TENT5D: variants seen among roughly 807,000 people sequenced by gnomAD.
TENT5D encodes cancer/testis antigen 112.
For missense variants in TENT5D, 191 were observed against 287.0 expected (o/e 0.67, Z 2.42); for synonymous variants, 103 against 100.6 (o/e 1.02, Z -0.15).
At chrX:80,375,133 T>G (rs1426312169) in intron 3 of TENT5D, among the ~76,000 whole-genome samples, 1 of 111,580 alleles carries the variant, frequency 9.0e-6, no homozygotes, top group African/African-American at 3.2e-5. Context: ...TAGTTTAAAT[T>G]TTTTTCTTTT....
At chrX:80,419,661 A>C (rs1931846241), upstream of TENT5D, among the ~76,000 whole-genome samples, 1 of 112,618 alleles carries the variant, frequency 8.9e-6, no homozygotes, top group South Asian at 3.6e-4. Context: ...TTCTTTTTAA[A>C]AATTAGTTGT....
intron 3 of TENT5D, among the ~76,000 whole-genome samples, chrX:80,375,316 T>G (rs1330120142): frequency 9.0e-6 from 1 of 111,565 alleles, no homozygotes; most frequent in Non-Finnish European, 1.9e-5. Flanking sequence ...TTGTATGCAC[T>G]GCTTGTGTTG....
intron 3 of TENT5D, among the ~76,000 whole-genome samples, chrX:80,355,718 C>A (rs913597135): frequency 8.9e-5 from 10 of 111,829 alleles, no homozygotes; most frequent in African/African-American, 3.3e-4. Flanking sequence ...CTCCACAACC[C>A]TGTGTAGGGT....
At chrX:80,436,491 A>G (rs1399129631) in intron 1 of TENT5D, among the ~76,000 whole-genome samples, 1 of 110,453 alleles carries the variant, frequency 9.1e-6, no homozygotes, top group Non-Finnish European at 1.9e-5. Context: ...TGCTGCACCC[A>G]TCAACCCGTC....
Position 80,407,930 on chromosome X carries a change from A to G in TENT5D, c.-141-30680A>G, listed in dbSNP as rs1281467217. On this transcript the variant is annotated intron_variant, in intron 3 of 4. Transcript: ENST00000538312. Reference sequence around the variant, plus strand: ...CAGACCACAGTACAATCAAACTAGAACTCAGGATTAAGAATCTCACTCAAA... The same window carrying G: ...CAGACCACAGTACAATCAAACTAGAGCTCAGGATTAAGAATCTCACTCAAA... 5.4e-5 allele frequency among the ~76,000 whole-genome samples: 6 copies of G among 111,429 alleles called. No individual in the cohort carries two copies. The East Asian group carries it at 1.7e-3, about 31-fold the overall frequency.
intron 1 of TENT5D, among the ~76,000 whole-genome samples, chrX:80,424,427 G>A (rs1271070647): frequency 3.6e-5 from 4 of 111,840 alleles, no homozygotes; most frequent in African/African-American, 6.5e-5. Context: ...TGGGTTATGC[G>A]AACTTTATTT....
chrX:80,392,533 G>A (rs1317143027), intron 3 of TENT5D, among the ~76,000 whole-genome samples: 1 of 53,464 alleles, frequency 1.9e-5, no homozygotes, highest in Non-Finnish European at 2.9e-5. Context: ...TTTTTGAGAC[G>A]GAGTCTCGCT....
At chrX:80,429,544 C>G (rs1932045729) in intron 1 of TENT5D, among the ~76,000 whole-genome samples, 1 of 110,031 alleles carries the variant, frequency 9.1e-6, no homozygotes, top group African/African-American at 3.3e-5. Context: ...CTCAAGTGAT[C>G]CTCCTGCCTC....
At chrX:80,339,412 T>C (rs1929914842) in intron 2 of TENT5D, among the ~76,000 whole-genome samples, 1 of 111,357 alleles carries the variant, frequency 9.0e-6, no homozygotes, top group Non-Finnish European at 1.9e-5. Context: ...AACTGTTTTT[T>C]CCCCCTGGGC....
At chrX:80,396,903 C>T (rs1931264608) in intron 3 of TENT5D, among the ~76,000 whole-genome samples, 1 of 87,181 alleles carries the variant, frequency 1.1e-5, no homozygotes, top group African/African-American at 4.2e-5. Flanking sequence ...GGGCGGGGGG[C>T]TGACCCCCCC....
intron 2 of TENT5D, among the ~76,000 whole-genome samples, chrX:80,440,821 T>G (rs956926703): frequency 9.0e-6 from 1 of 111,506 alleles, no homozygotes; most frequent in African/African-American, 3.2e-5. Context: ...TAAATTGTTT[T>G]TCTTCCTAAA....
intron 3 of TENT5D, among the ~76,000 whole-genome samples, chrX:80,412,697 C>G (rs1408774512): frequency 9.0e-6 from 1 of 111,731 alleles, no homozygotes; most frequent in Non-Finnish European, 1.9e-5. Context: ...TAGTTCCTAA[C>G]AAGTTCCTCA....
Position 80,336,607 on chromosome X carries a change from TA to T in TENT5D, c.-207+900del, listed in dbSNP as rs201076135. Among the ~76,000 whole-genome samples the T allele has an allele frequency of 2.6e-3, 285 of 107,607 alleles. 1 individual carries two copies. The highest frequency in any genetic ancestry group is 3.5e-3 in the Non-Finnish European group (184 of 51,895). The allele number at this position is 107,607 out of a possible 115,157, so 93.4% of individuals were successfully genotyped here. A position where few individuals can be genotyped will look rare whatever the true frequency, so the allele number is the denominator to read the frequency against. On this transcript the variant is annotated intron_variant, in intron 2 of 4. Transcript: ENST00000538312. ...CTTTTGGTATAAAGATAAAAAACAT[TA>T]AAAAAAAAGATTTTCCCTGGACTCT... is the stretch of plus-strand genomic sequence containing the variant.
intron 3 of TENT5D, among the ~76,000 whole-genome samples, chrX:80,397,106 G>A (rs1383005468): frequency 1.3e-4 from 13 of 102,140 alleles, no homozygotes; most frequent in Non-Finnish European, 1.8e-4. Flanking sequence ...GGTGGTTGCC[G>A]GGCGGAGGGG....
At chrX:80,434,803 G>GACAA (rs1288132487) in intron 1 of TENT5D, among the ~76,000 whole-genome samples, 4 of 93,620 alleles carry the variant, frequency 4.3e-5, no homozygotes, top group Non-Finnish European at 6.2e-5. Context: ...TTTTTTTTGA[G>GACAA]ACGGAGTCTC....
chrX:80,414,511 C>T (rs756688434), intron 3 of TENT5D, among the ~76,000 whole-genome samples: 1 of 111,611 alleles, frequency 9.0e-6, no homozygotes, highest in African/African-American at 3.3e-5. Context: ...GGTGGTCAGG[C>T]GTACAGTTTG....
intron 3 of TENT5D, among the ~76,000 whole-genome samples, chrX:80,380,056 G>A (rs1314255889): frequency 1.9e-5 from 2 of 106,998 alleles, no homozygotes; most frequent in African/African-American, 6.8e-5. Context: ...ATGTTAGGGT[G>A]TCAATTTTAG....
chrX:80,441,763 G>A (rs1284481893), intron 2 of TENT5D, among the ~76,000 whole-genome samples: 3 of 110,871 alleles, frequency 2.7e-5, no homozygotes, highest in Non-Finnish European at 3.8e-5. Flanking sequence ...AATCTGCAGT[G>A]AACATTTTTT....
intron 3 of TENT5D, among the ~76,000 whole-genome samples, chrX:80,388,176 G>A (rs1013293968): frequency 1.7e-4 from 19 of 110,790 alleles, no homozygotes; most frequent in Non-Finnish European, 2.6e-4. Flanking sequence ...CTGTCCAAGC[G>A]CCAAGGCCTA....
Sources: allele counts gnomAD v4.1 joint callset (sites outside exome capture counted in the v4.1 genomes callset), GRCh38; gene constraint gnomAD v4.1.1; transcripts MANE v1.5; gene names NCBI Gene and HGNC (gene_info 2026-07-23, HGNC 2026-07-21).